Variants in SLC22A24 observed in about 807,000 individuals in gnomAD.
The protein encoded by SLC22A24 is steroid transmembrane transporter SLC22A24.
A neutral mutation model predicts 49.8 loss-of-function variants in SLC22A24; 53 were observed. The observed-to-expected ratio is 1.06, with a 90% CI of 0.85 to 1.34. The LOEUF is 1.34. Ranked by LOEUF, SLC22A24 falls within the 40% of genes most tolerant of loss-of-function variation. The pLI is 0.00. For synonymous variants in SLC22A24, 302 were observed against 256.4 expected, an observed-to-expected ratio of 1.18 and a Z score of -1.70; for missense variants, 786 against 675.9, an observed-to-expected ratio of 1.16 and a Z score of -1.81.
At position 63,104,848 on chromosome 11, in the gene SLC22A24, C is replaced by T. The variant is rs988267579; in HGVS notation, c.831-550G>A. Among the ~76,000 whole-genome samples the T allele has an allele frequency of 3.3e-5, 5 of 152,282 alleles. 1 individual carries two copies. The East Asian group carries it at 7.7e-4, about 24-fold the overall frequency. Reference sequence around the variant, plus strand: ...TCTCATATTTCAAAACCAATTATGCCTTCCCAACAGTCCCCCAAAGTCTTA... The same window carrying T: ...TCTCATATTTCAAAACCAATTATGCTTTCCCAACAGTCCCCCAAAGTCTTA... On this transcript the variant is annotated intron_variant, in intron 4 of 9. Transcript: ENST00000612278.
rs1003224915 is a variant in SLC22A24 at position 63,091,492 on chromosome 11, G to A, written c.1070+4499C>T. 3.3e-5 allele frequency among the ~76,000 whole-genome samples: 5 copies of A among 152,122 alleles called. 1 individual carries two copies. Among genetic ancestry groups the A allele is most frequent in the Middle Eastern group, 6.3e-3 (2 of 316 alleles). On this transcript the variant is annotated intron_variant, in intron 6 of 9. Coordinates refer to ENST00000612278, the MANE Select transcript of SLC22A24 (RefSeq NM_001136506.2). ...CAGGCCAATATCCCTGGTGAACATC[G>A]ATGAGAAAATCCTCAATAAAATACT...
chr11:63,089,897 C>G (rs546196550), intron 6 of SLC22A24, among the ~76,000 whole-genome samples: 1 of 151,696 alleles, frequency 6.6e-6, no homozygotes, highest in South Asian at 2.1e-4. Context: ...CTGGCTAACA[C>G]GGTGAAACCC....
rs869074513 is a variant in SLC22A24 at position 63,113,035 on chromosome 11, A to AAT, written c.830+5875_830+5876dup. Among the ~76,000 whole-genome samples the AAT allele has an allele frequency of 3.4e-3, 51 of 15,126 alleles. 19 individuals carry two copies. The highest frequency in any genetic ancestry group is 7.9e-3 in the South Asian group (2 of 254). The allele number at this position is 15,126 out of a possible 152,430, so 9.9% of individuals were successfully genotyped here. A position where few individuals can be genotyped will look rare whatever the true frequency, so the allele number is the denominator to read the frequency against. On this transcript the variant is annotated intron_variant, in intron 4 of 9. Transcript: ENST00000612278. ...TCAAAAAAAAAAAAAAAAAAAAAAA[A>AAT]ATATATATATATATATATACATATA...
chr11:63,103,894 A>G (rs1170992206), intron 5 of SLC22A24, among the ~76,000 whole-genome samples: 1 of 152,222 alleles, frequency 6.6e-6, no homozygotes, highest in African/African-American at 2.4e-5. Context: ...AATAGTGAGA[A>G]ATAAATTGTG....
intron 4 of SLC22A24, among the ~76,000 whole-genome samples, chr11:63,106,852 G>A (rs1308174521): frequency 1.3e-5 from 2 of 152,118 alleles, no homozygotes; most frequent in African/African-American, 4.8e-5. Flanking sequence ...TGAGTAGGTT[G>A]CAAAAATTTT....
chr11:63,126,208 G>A (rs1301571317), intron 2 of SLC22A24, among the ~76,000 whole-genome samples: 1 of 152,132 alleles, frequency 6.6e-6, no homozygotes, highest in African/African-American at 2.4e-5. Context: ...CATTGCTTTG[G>A]TGTTGTAGAT....
chr11:63,116,406 A>G (rs1251385744), intron 4 of SLC22A24: 1 of 168,754 alleles, frequency 5.9e-6, no homozygotes, highest in Non-Finnish European at 1.3e-5. Context: ...TTTTTTTTCA[A>G]CACTTTGAAT....
intron 6 of SLC22A24, among the ~76,000 whole-genome samples, chr11:63,087,024 G>GCGCGCACACACACACACACACACACA (rs376936925): frequency 7.5e-6 from 1 of 132,556 alleles, no homozygotes; most frequent in South Asian, 2.6e-4. Context: ...CCTGGAGGGC[G>GCGCGCACACACACACACACACACACA]CACACACACA....
At chr11:63,101,818 G>C (rs1319864793) in intron 5 of SLC22A24, among the ~76,000 whole-genome samples, 1 of 152,112 alleles carries the variant, frequency 6.6e-6, no homozygotes, top group African/African-American at 2.4e-5. Context: ...ATTATGTTAA[G>C]TGAAATAAGC....
At chr11:63,121,433 G>A (rs571461235) in intron 2 of SLC22A24, among the ~76,000 whole-genome samples, 2 of 152,080 alleles carry the variant, frequency 1.3e-5, no homozygotes, top group Middle Eastern at 3.4e-3. Context: ...AAAATTGTTG[G>A]GGGATCACTA....
intron 1 of SLC22A24, among the ~76,000 whole-genome samples, chr11:63,140,074 T>TG (rs371838564): frequency 0.016 from 1,774 of 113,642 alleles, 31 homozygotes; most frequent in Admixed American, 0.036. Flanking sequence ...TTTGTTTTTT[T>TG]GTTTTTTTTT....
intron 5 of SLC22A24, 37 bp from the exon 6 acceptor site, chr11:63,096,143 T>G (rs2087053553): frequency 7.7e-7 from 1 of 1,305,414 alleles, no homozygotes; most frequent in Non-Finnish European, 1.1e-6. Flanking sequence ...ATTTGTGAGA[T>G]GTCAATAATG....
intron 2 of SLC22A24, among the ~76,000 whole-genome samples, chr11:63,133,844 A>G (rs1471063554): frequency 6.6e-6 from 1 of 151,936 alleles, no homozygotes. Context: ...GGGGTTTCAC[A>G]GTATTGGCCA....
At chr11:63,084,846 ACT>A (rs2086978571) in intron 6 of SLC22A24, among the ~76,000 whole-genome samples, 1 of 152,146 alleles carries the variant, frequency 6.6e-6, no homozygotes, top group Non-Finnish European at 1.5e-5. Context: ...AGGTTCTCTA[ACT>A]CTGAATGAAT....
chr11:63,128,470 GAC>G lies in SLC22A24; in HGVS notation c.506+6193_506+6194del, dbSNP rs573851547. On this transcript the variant is annotated intron_variant, in intron 2 of 9. Transcript: ENST00000612278. Reference sequence around the variant, plus strand: ...CTCCACCACCTCTTGTGGAGGGCCTGACATCAGTCAGGCCCACCTGCAGTTAT... The same window carrying G: ...CTCCACCACCTCTTGTGGAGGGCCTGATCAGTCAGGCCCACCTGCAGTTAT... Among the ~76,000 whole-genome samples the G allele has an allele frequency of 1.6e-4, 25 of 152,258 alleles. No homozygotes were observed. In the East Asian group the frequency reaches 4.8e-3, roughly 29 times the overall value.
chr11:63,096,992 CATT>C (rs1230402354), intron 5 of SLC22A24, among the ~76,000 whole-genome samples: 1 of 151,992 alleles, frequency 6.6e-6, no homozygotes, highest in African/African-American at 2.4e-5. Flanking sequence ...GGAGTAGAAA[CATT>C]ATTTTTAAAA....
intron 2 of SLC22A24, among the ~76,000 whole-genome samples, chr11:63,120,158 G>T (rs1034728880): frequency 1.3e-5 from 2 of 151,106 alleles, no homozygotes; most frequent in Non-Finnish European, 2.9e-5. Context: ...GGCTTTTGTT[G>T]CCATTGCTTT....
rs531666034 is a variant in SLC22A24 at position 63,094,443 on chromosome 11, A to G, written c.1070+1548T>C. 1.8e-4 allele frequency among the ~76,000 whole-genome samples: 28 copies of G among 152,222 alleles called. No individual in the cohort carries two copies. In the South Asian group the frequency reaches 5.2e-3, roughly 28 times the overall value. On this transcript the variant is annotated intron_variant, in intron 6 of 9. Transcript: ENST00000612278. ...GTGAATAGTGCCACAATAAACATACATGTGCATGTGTCATTATAGCAGCAT... is the reference window on the plus strand; with the variant it reads ...GTGAATAGTGCCACAATAAACATACGTGTGCATGTGTCATTATAGCAGCAT...
At chr11:63,116,315 G>A (rs924468389) in intron 4 of SLC22A24, 7 of 227,674 alleles carry the variant, frequency 3.1e-5, no homozygotes, top group African/African-American at 1.6e-4. Context: ...GGTTGTGTTT[G>A]GTATGGTTCT....
Sources: allele counts gnomAD v4.1 joint callset (sites outside exome capture counted in the v4.1 genomes callset), GRCh38; gene constraint gnomAD v4.1.1; transcripts MANE v1.5; gene names NCBI Gene and HGNC (gene_info 2026-07-23, HGNC 2026-07-21).